IL1RL2: variants seen among roughly 807,000 people sequenced by gnomAD.
IL1RL2 encodes interleukin-1 receptor-like 2.
IL1RL2 carries 68 observed loss-of-function variants against 66.8 expected under a neutral mutation model. The observed-to-expected ratio is 1.02, with a 90% confidence interval of 0.84 to 1.25. The LOEUF (loss-of-function observed/expected upper bound fraction) is 1.25, where lower values mean the gene tolerates loss of function less well. Ranked by LOEUF, IL1RL2 falls within the 50% of genes most tolerant of loss-of-function variation. IL1RL2 has a pLI of 0.00. For missense variants in IL1RL2, 729 were observed against 709.3 expected, an observed-to-expected ratio of 1.03 and a Z score of -0.32; for synonymous variants, 305 against 264.6, an observed-to-expected ratio of 1.15 and a Z score of -1.48.
At chr2:102,211,749 CCTAAGCCAGGCCTTTGT>C (rs1243275172) in intron 5 of IL1RL2, among the ~76,000 whole-genome samples, 2 of 152,110 alleles carry the variant, frequency 1.3e-5, no homozygotes, top group African/African-American at 4.8e-5. Flanking sequence ...CAAGCTAGCA[CCTAAGCCAGGCCTTTGT>C]CTATAGCCAC....
chr2:102,194,984 C>A (rs1405914934), intron 4 of IL1RL2, among the ~76,000 whole-genome samples: 1 of 152,086 alleles, frequency 6.6e-6, no homozygotes, highest in African/African-American at 2.4e-5. Context: ...TTCACCCACT[C>A]AACTCTGTTT....
rs561217302 is a variant in IL1RL2 at position 102,188,007 on chromosome 2, G to C, written c.58+82G>C. 98 of 1,398,326 alleles carry C rather than the reference G, an allele frequency of 7.0e-5. No homozygotes were observed. In the East Asian group the frequency reaches 1.0e-3, roughly 14 times the overall value. The allele number at this position is 1,398,326 out of a possible 1,614,324, so 86.6% of individuals were successfully genotyped here. A position where few individuals can be genotyped will look rare whatever the true frequency, so the allele number is the denominator to read the frequency against. The stretch of plus-strand genomic sequence containing the variant: ...CTGTCATTGGGAGCCCCCGGGGATC[G>C]CGTCAGCCCGAGCGCGGCTCCTTCC... On this transcript the variant is annotated intron_variant, in intron 2 of 11. Coordinates refer to ENST00000264257, the MANE Select transcript of IL1RL2 (RefSeq NM_003854.4).
intron 5 of IL1RL2, among the ~76,000 whole-genome samples, chr2:102,209,446 TA>T (rs1688971738): frequency 6.6e-6 from 1 of 151,768 alleles, no homozygotes; most frequent in African/African-American, 2.4e-5. Flanking sequence ...TTCACAAAAG[TA>T]AAGGAGGGTG....
chr2:102,239,045 C>T, intron 11 of IL1RL2, 147 bp from the exon 12 acceptor site: 1 of 651,842 alleles, frequency 1.5e-6, no homozygotes, highest in Admixed American at 2.2e-5. Flanking sequence ...GCAAAGATAA[C>T]CCAAGAGAAA....
intron 8 of IL1RL2, 59 bp from the exon 9 acceptor site, chr2:102,225,839 G>A: frequency 7.6e-7 from 1 of 1,319,568 alleles, no homozygotes; most frequent in Non-Finnish European, 1.0e-6. Context: ...GTATATAATG[G>A]ACTCTTTGTT....
chr2:102,196,586 T>G (rs1423202587), intron 4 of IL1RL2, among the ~76,000 whole-genome samples: 1 of 152,158 alleles, frequency 6.6e-6, no homozygotes, highest in Non-Finnish European at 1.5e-5. Context: ...ACTAAGAATT[T>G]TATTACAGCA....
chr2:102,199,999 A>G (rs971214734), intron 4 of IL1RL2, among the ~76,000 whole-genome samples: 12 of 152,046 alleles, frequency 7.9e-5, no homozygotes, highest in Non-Finnish European at 2.9e-5. Flanking sequence ...CCTGTACTAA[A>G]AAAACAAAAA....
Position 102,201,716 on chromosome 2 carries a change from G to C in IL1RL2, c.649+1G>C. 6.2e-7 allele frequency: 1 copy of C among 1,612,934 alleles called. No homozygotes were observed. Among genetic ancestry groups the C allele is most frequent in the Non-Finnish European group, 8.5e-7 (1 of 1,179,290 alleles). The stretch of plus-strand genomic sequence containing the variant: ...TTAAATGGCATCACTGTGAGCATTA[G>C]TAAGTATGCTCATGTATGCCTGTCG... On this transcript the variant is annotated splice_donor_variant, in intron 5 of 11. Coordinates refer to ENST00000264257, the MANE Select transcript of IL1RL2 (RefSeq NM_003854.4). LOFTEE classifies it high-confidence loss of function.
chr2:102,188,066 G>C (rs932025785), intron 2 of IL1RL2, 141 bp downstream of exon 2: 1 of 753,108 alleles, frequency 1.3e-6, no homozygotes, highest in African/African-American at 1.7e-5. Context: ...TTCCGCGGAA[G>C]AGGAAACAGA....
At chr2:102,223,567 C>T (rs1690334347) in intron 8 of IL1RL2, among the ~76,000 whole-genome samples, 1 of 152,100 alleles carries the variant, frequency 6.6e-6, no homozygotes, top group Non-Finnish European at 1.5e-5. Flanking sequence ...CATTGATGTC[C>T]TGTTTCCAAT....
At chr2:102,195,132 A>G (rs1297625848) in intron 4 of IL1RL2, among the ~76,000 whole-genome samples, 4 of 152,114 alleles carry the variant, frequency 2.6e-5, no homozygotes, top group Non-Finnish European at 4.4e-5. Context: ...TCTATTTCTC[A>G]TTGATTTGTA....
chr2:102,238,100 C>T (rs560114225), intron 11 of IL1RL2, among the ~76,000 whole-genome samples: 3 of 152,278 alleles, frequency 2.0e-5, no homozygotes, highest in East Asian at 3.9e-4. Flanking sequence ...CTTTCCAAGA[C>T]CCTGGCTTGA....
Position 102,192,083 on chromosome 2 carries a change from C to G in IL1RL2, c.452C>G (p.Pro151Arg). 1 of 1,599,282 alleles carries G rather than the reference C, an allele frequency of 6.3e-7. No homozygotes were observed. Among genetic ancestry groups the G allele is most frequent in the African/African-American group, 1.4e-5 (1 of 73,962 alleles). ...AGTCTCACATGTCATCTGCACTTCC[C>G]GAAGAGTTGTGTTTTGGGTCCAATA... ...DDSLTCHLHF[P>R]KSCVLGPIKW... Residue 151 changes from proline to arginine, a missense_variant, in exon 4 of 12, where the codon CCG becomes CGG. Pro to Arg is a moderately radical substitution (Grantham distance 103). Coordinates refer to ENST00000264257, the MANE Select transcript of IL1RL2 (RefSeq NM_003854.4).
At chr2:102,220,782 C>A (rs1690049042) in intron 8 of IL1RL2, among the ~76,000 whole-genome samples, 1 of 152,054 alleles carries the variant, frequency 6.6e-6, no homozygotes, top group African/African-American at 2.4e-5. Context: ...ATCAGTTAAA[C>A]CTATGCTTGC....
intron 8 of IL1RL2, among the ~76,000 whole-genome samples, chr2:102,225,368 G>C (rs1690509152): frequency 6.6e-6 from 1 of 152,266 alleles, no homozygotes; most frequent in South Asian, 2.1e-4. Flanking sequence ...GGCCTGTCTT[G>C]TGGAGCCAGC....
chr2:102,219,356 A>T (rs1477373111), intron 7 of IL1RL2, among the ~76,000 whole-genome samples: 1 of 152,226 alleles, frequency 6.6e-6, no homozygotes, highest in Admixed American at 6.5e-5. Context: ...TGCCCCGGGC[A>T]TACAAAGCAA....
At chr2:102,211,564 C>T (rs1305794602) in intron 5 of IL1RL2, among the ~76,000 whole-genome samples, 2 of 152,190 alleles carry the variant, frequency 1.3e-5, no homozygotes, top group African/African-American at 4.8e-5. Flanking sequence ...CCATTCCCAC[C>T]AGTTCCCAAG....
In IL1RL2 at chr2:102,239,354, C is replaced by T. The variant is rs191782193; in HGVS notation, c.*113C>T. 7.3e-6 allele frequency: 7 copies of T among 961,272 alleles called. No homozygotes were observed. In the African/African-American group the frequency reaches 1.1e-4, roughly 15 times the overall value. 59.5% of individuals were successfully genotyped at this position (961,272 alleles called of 1,614,324 possible). A position where few individuals can be genotyped will look rare whatever the true frequency, so the allele number is the denominator to read the frequency against. On this transcript the variant is annotated 3_prime_UTR_variant, in exon 12 of 12. Coordinates refer to ENST00000264257, the MANE Select transcript of IL1RL2 (RefSeq NM_003854.4). ...GAGGCTAGGGTTAGCATTCTAGACA[C>T]CCAGTTGAGCTCAGGCGTAGAGAAG... is the stretch of plus-strand genomic sequence containing the variant.
At chr2:102,212,926 G>A (rs1236495127) in intron 6 of IL1RL2, among the ~76,000 whole-genome samples, 4 of 152,176 alleles carry the variant, frequency 2.6e-5, no homozygotes, top group South Asian at 2.1e-4. Flanking sequence ...CCGAGATCGC[G>A]CCACTGCACT....
Sources: allele counts gnomAD v4.1 joint callset (sites outside exome capture counted in the v4.1 genomes callset), GRCh38; gene constraint gnomAD v4.1.1; transcripts MANE v1.5; gene names NCBI Gene and HGNC (gene_info 2026-07-23, HGNC 2026-07-21).